SPATA13: variants seen among roughly 807,000 people sequenced by gnomAD.
SPATA13 encodes spermatogenesis associated 13.
Under a neutral mutation model 104.0 loss-of-function variants are expected in SPATA13, and 50 were observed. That is an observed-to-expected ratio of 0.48 (90% CI 0.38 to 0.61). The LOEUF is 0.61. SPATA13 is among the 20% of genes least tolerant of loss of function. SPATA13 has a pLI of 0.00. For missense variants in SPATA13, 1,524 were observed against 1,690.6 expected, an observed-to-expected ratio of 0.90 and a Z score of 1.73; for synonymous variants, 606 against 667.5, an observed-to-expected ratio of 0.91 and a Z score of 1.42.
chr13:24,297,338 T>G, intron 10 of SPATA13, 25 bp from the exon 11 acceptor site: 1 of 1,589,266 alleles, frequency 6.3e-7, no homozygotes, highest in Non-Finnish European at 8.6e-7. Flanking sequence ...TTGGAAGGTC[T>G]TAAGATGTGT....
intron 4 of SPATA13, chr13:24,278,540 A>T (rs766558509): frequency 9.8e-5 from 105 of 1,073,560 alleles, no homozygotes; most frequent in Non-Finnish European, 1.2e-4. Flanking sequence ...AGTCTTCCAA[A>T]GTGCTGGGAT....
rs142920632 is a variant in SPATA13 at position 24,114,469 on chromosome 13, G to T, written c.-112+96768G>T. On this transcript the variant is annotated intron_variant, in intron 3 of 14. Transcript: ENST00000424834. The stretch of plus-strand genomic sequence containing the variant: ...ACTTGGTGAGCAGGAAAGAGAGCTG[G>T]CCAGCACACACTTGGCCTGGTGCTG... Among the ~76,000 whole-genome samples, 7 of 151,154 alleles carry T rather than the reference G, an allele frequency of 4.6e-5. No homozygotes were observed. The East Asian group carries it at 1.4e-3, about 29-fold the overall frequency.
At chr13:24,052,487 A>G (rs966678391) in intron 3 of SPATA13, among the ~76,000 whole-genome samples, 5 of 109,766 alleles carry the variant, frequency 4.6e-5, no homozygotes, top group Non-Finnish European at 9.7e-5. Flanking sequence ...AAAAAGAAAT[A>G]TATGTTTTTT....
intron 3 of SPATA13, among the ~76,000 whole-genome samples, chr13:24,111,934 C>T (rs924438014): frequency 6.6e-6 from 1 of 152,184 alleles, no homozygotes; most frequent in East Asian, 1.9e-4. Context: ...GTTATACTGC[C>T]TCTGTCCAAT....
intron 4 of SPATA13, among the ~76,000 whole-genome samples, chr13:24,282,619 T>C (rs1056020050): frequency 3.9e-5 from 6 of 152,162 alleles, no homozygotes. Context: ...CTAACCTGTG[T>C]TCTCCCCAGC....
rs969276903 is a variant in SPATA13 at position 24,223,256 on chromosome 13, G to C, written c.327G>C (p.Arg109=). Residue 109 remains arginine, a synonymous_variant, in exon 2 of 13, where the codon CGG becomes CGC. Transcript: ENST00000382108. ...SSTWNTLASF[R]KMGSFKKLKS... is the part of the protein sequence containing the mutation. Reference sequence around the variant, plus strand: ...CATGGAACACCCTCGCCTCCTTCCGGAAAATGGGATCCTTTAAGAAACTGA... The same window carrying C: ...CATGGAACACCCTCGCCTCCTTCCGCAAAATGGGATCCTTTAAGAAACTGA... The C allele has an allele frequency of 6.4e-7, 1 of 1,551,708 alleles. No homozygotes were observed. The highest frequency in any genetic ancestry group is 8.7e-7 in the Non-Finnish European group (1 of 1,146,998).
chr13:24,074,046 A>G (rs1243653149), intron 3 of SPATA13, among the ~76,000 whole-genome samples: 1 of 152,250 alleles, frequency 6.6e-6, no homozygotes, highest in African/African-American at 2.4e-5. Flanking sequence ...AGATGCACAT[A>G]CATTTTCGAT....
intron 2 of SPATA13, among the ~76,000 whole-genome samples, chr13:24,226,695 G>A (rs1159565652): frequency 6.6e-6 from 1 of 152,146 alleles, no homozygotes; most frequent in Non-Finnish European, 1.5e-5. Flanking sequence ...CCATCCCTGG[G>A]GAGGACCTCA....
intron 2 of SPATA13, among the ~76,000 whole-genome samples, chr13:23,998,927 G>GATTTTTTTTTTTTTTT (rs144157914): frequency 6.9e-6 from 1 of 145,816 alleles, no homozygotes; most frequent in Non-Finnish European, 1.5e-5. Flanking sequence ...CACTAACTTT[G>GATTTTTTTTTTTTTTT]GTTTTTTTTT....
intron 2 of SPATA13, among the ~76,000 whole-genome samples, chr13:24,235,374 T>C (rs950021401): frequency 2.6e-5 from 4 of 152,228 alleles, no homozygotes; most frequent in African/African-American, 9.6e-5. Context: ...TGTCCTGTAC[T>C]TCTCCAGAAT....
intron 1 of SPATA13, among the ~76,000 whole-genome samples, chr13:24,189,569 A>G (rs1220510556): frequency 5.4e-5 from 7 of 129,798 alleles, no homozygotes; most frequent in Non-Finnish European, 9.3e-5. Context: ...TTAATATTAC[A>G]TACATACTAT....
intron 1 of SPATA13, among the ~76,000 whole-genome samples, chr13:24,164,812 C>G (rs565652030): frequency 6.6e-6 from 1 of 152,154 alleles, no homozygotes; most frequent in Non-Finnish European, 1.5e-5. Flanking sequence ...ACATCGATAG[C>G]TCCTGTGTGC....
intron 3 of SPATA13, among the ~76,000 whole-genome samples, chr13:24,082,557 A>C (rs1161133638): frequency 1.3e-5 from 2 of 151,666 alleles, no homozygotes; most frequent in Non-Finnish European, 2.9e-5. Context: ...GCGGTGGCTC[A>C]CGCCTGTAAT....
intron 2 of SPATA13, among the ~76,000 whole-genome samples, chr13:24,240,235 G>C (rs1340208484): frequency 6.6e-6 from 1 of 151,654 alleles, no homozygotes; most frequent in Non-Finnish European, 1.5e-5. Flanking sequence ...ACTGCAGCCT[G>C]ATGACAGAGT....
At chr13:24,270,131 A>G (rs1360568631) in intron 4 of SPATA13, among the ~76,000 whole-genome samples, 1 of 152,178 alleles carries the variant, frequency 6.6e-6, no homozygotes, top group Non-Finnish European at 1.5e-5. Context: ...GGGAAATGGA[A>G]GGAAGCTCAC....
At chr13:24,189,324 A>G (rs922579024) in intron 1 of SPATA13, among the ~76,000 whole-genome samples, 6 of 151,512 alleles carry the variant, frequency 4.0e-5, no homozygotes, top group Non-Finnish European at 7.4e-5. Flanking sequence ...ACTAAAAGTT[A>G]GCCAGGCATG....
At chr13:24,301,819 A>G (rs920629022) in intron 12 of SPATA13, among the ~76,000 whole-genome samples, 4 of 152,208 alleles carry the variant, frequency 2.6e-5, no homozygotes, top group African/African-American at 9.7e-5. Context: ...GATTAAAAAT[A>G]CCTATGCCGG....
At chr13:24,118,179 G>A (rs1470058169) in intron 3 of SPATA13, among the ~76,000 whole-genome samples, 1 of 152,128 alleles carries the variant, frequency 6.6e-6, no homozygotes, top group Non-Finnish European at 1.5e-5. Flanking sequence ...GCAGAAGCCA[G>A]GTGCTGGGAA....
At chr13:24,293,751 C>T (rs1876565997) in intron 9 of SPATA13, among the ~76,000 whole-genome samples, 1 of 152,200 alleles carries the variant, frequency 6.6e-6, no homozygotes, top group African/African-American at 2.4e-5. Context: ...CTCTCTGCGC[C>T]ACTTCTGGGT....
Sources: allele counts gnomAD v4.1 joint callset (sites outside exome capture counted in the v4.1 genomes callset), GRCh38; gene constraint gnomAD v4.1.1; transcripts MANE v1.5; gene names NCBI Gene and HGNC (gene_info 2026-07-23, HGNC 2026-07-21).